CCDC159: variants seen among roughly 807,000 people sequenced by gnomAD.
CCDC159 encodes the protein coiled-coil domain-containing protein 159.
Under a neutral mutation model 50.9 loss-of-function variants are expected in CCDC159, and 40 were observed. The ratio of observed to expected loss-of-function variants is 0.79; its 90% CI spans 0.61 to 1.02. The LOEUF is 1.02. Ranked by LOEUF, CCDC159 falls within the 50% of genes least tolerant of loss-of-function variation. CCDC159 has a pLI of 0.00. For synonymous variants in CCDC159, 146 were observed against 138.9 expected (o/e 1.05, Z -0.36); for missense variants, 356 against 371.5 (o/e 0.96, Z 0.34).
chr19:11,354,587 G>A lies in CCDC159; in HGVS notation c.780G>A (p.Lys260=). The change falls in exon 10 of 11, where the codon AAG becomes AAA. Residue 260 remains lysine (K), a synonymous_variant. Transcript: ENST00000458408. ...CPKASSLRGH[K]GHQCLSPPLP... ...AACCTGTCCCTCCTGCAGGCCACAA[G>A]GGGCACCAGTGCCTGAGCCCTCCAC... 6.3e-7 allele frequency: 1 copy of A among 1,585,174 alleles called. No homozygotes were observed. Among genetic ancestry groups the A allele is most frequent in the Non-Finnish European group, 8.6e-7 (1 of 1,165,084 alleles).
At chr19:11,354,770 C>T (rs1967798855) in intron 10 of CCDC159, 74 bp downstream of exon 10, 1 of 1,610,442 alleles carries the variant, frequency 6.2e-7, no homozygotes, top group South Asian at 1.1e-5. Flanking sequence ...AGTCTAGACC[C>T]TCAGAACAGG....
chr19:11,351,906 C>G lies in CCDC159; in HGVS notation c.423C>G (p.Ser141Arg). The change falls in exon 6 of 11, where the codon AGC (serine) becomes AGG (arginine). Residue 141 changes from serine (S) to arginine (R), a missense_variant and splice_region_variant. Coordinates refer to ENST00000458408, the MANE Select transcript of CCDC159 (RefSeq NM_001080503.3). ...GGTCTAGGCTGCACTGTCCCCTCAG[C>G]AAGAAGTTCCTGTGGGAGGAGCTGG... ...LQLLAQEIRD[S>R]KKFLWEELEL... 1.3e-6 allele frequency: 2 copies of G among 1,592,870 alleles called. No individual in the cohort carries two copies. The highest frequency in any genetic ancestry group is 1.7e-6 in the Non-Finnish European group (2 of 1,170,622).
intron 1 of CCDC159, among the ~76,000 whole-genome samples, chr19:11,346,883 A>T (rs1260845710): frequency 6.6e-6 from 1 of 152,172 alleles, no homozygotes; most frequent in East Asian, 1.9e-4. Flanking sequence ...GTGACATTCC[A>T]GAGCAAACAC....
Position 11,354,641 on chromosome 19 carries a change from T to C in CCDC159, c.834T>C (p.Cys278=), listed in dbSNP as rs776111294. ...CCTCCTGGGACTCTGACTCCGACTGTGACCAGGACCTCTCCCAGCCACCTT... is the reference window on the plus strand; with the variant it reads ...CCTCCTGGGACTCTGACTCCGACTGCGACCAGGACCTCTCCCAGCCACCTT... The part of the protein sequence containing the change: ...PLPSWDSDSD[C]DQDLSQPPFS... The change falls in exon 10 of 11, where the codon TGT becomes TGC. Residue 278 remains cysteine (C), a synonymous_variant. Coordinates refer to ENST00000458408, the MANE Select transcript of CCDC159 (RefSeq NM_001080503.3). 1.2e-6 allele frequency: 2 copies of C among 1,606,390 alleles called. No homozygotes were observed. The highest frequency in any genetic ancestry group is 3.4e-5 in the Admixed American group (2 of 58,724).
chr19:11,350,107 C>G lies in CCDC159; in HGVS notation c.145-11C>G, dbSNP rs936384329. 4 of 1,613,402 alleles carry G rather than the reference C, an allele frequency of 2.5e-6. No homozygotes were observed. The East Asian group carries it at 6.7e-5, about 27-fold the overall frequency. On this transcript the variant is annotated splice_polypyrimidine_tract_variant and intron_variant, in intron 3 of 10. Transcript: ENST00000458408. Reference sequence around the variant, plus strand: ...CTTCCTCCCACCCCAAGGCTGACCTCTTTCCCCCAGGCTTTCGAGTTCCTG... The same window carrying G: ...CTTCCTCCCACCCCAAGGCTGACCTGTTTCCCCCAGGCTTTCGAGTTCCTG...
At chr19:11,354,456 G>A (rs1294591436) in intron 9 of CCDC159, 124 bp from the exon 10 acceptor site, 12 of 906,642 alleles carry the variant, frequency 1.3e-5, no homozygotes, top group Non-Finnish European at 1.8e-5. Flanking sequence ...TGTCACACTG[G>A]ATCACATTCA....
intron 4 of CCDC159, 70 bp downstream of exon 4, chr19:11,350,269 T>G: frequency 2.2e-6 from 3 of 1,378,452 alleles, no homozygotes; most frequent in Non-Finnish European, 3.0e-6. Flanking sequence ...ATCCCAGCAT[T>G]TGGGGAGGCC....
chr19:11,351,407 A>AGCCTGGGCGCCTGGGC (rs895716870), intron 5 of CCDC159: 1 of 186,118 alleles, frequency 5.4e-6, no homozygotes, highest in African/African-American at 2.4e-5. Context: ...ACTGCACTCC[A>AGCCTGGGCGCCTGGGC]GCCTGGGCGC....
At chr19:11,350,771 GGATCAGGGCTCAGT>G (rs757475963) in intron 4 of CCDC159, 23 bp from the exon 5 acceptor site, 1 of 1,504,602 alleles carries the variant, frequency 6.6e-7, no homozygotes, top group South Asian at 1.3e-5. Context: ...GTTCAGGGTG[GGATCAGGGCTCAGT>G]CAAGGTCCCA....
intron 2 of CCDC159, 92 bp downstream of exon 2, chr19:11,349,779 A>G: frequency 3.3e-6 from 4 of 1,222,756 alleles, no homozygotes; most frequent in South Asian, 2.5e-5. Flanking sequence ...TCCCCCTGCC[A>G]TGGTCACCCA....
At chr19:11,353,236 G>A (rs1241091067) in intron 7 of CCDC159, 4 of 341,990 alleles carry the variant, frequency 1.2e-5, no homozygotes, top group Non-Finnish European at 1.6e-5. Context: ...GAGTAGCTGG[G>A]ACAACAGGCG....
At chr19:11,354,164 G>A (rs1370513359) in intron 9 of CCDC159, among the ~76,000 whole-genome samples, 2 of 152,134 alleles carry the variant, frequency 1.3e-5, no homozygotes, top group Non-Finnish European at 2.9e-5. Context: ...GATTACTTGA[G>A]TCTAGGAGTT....
chr19:11,352,160 G>A, intron 7 of CCDC159, 27 bp downstream of exon 7: 2 of 1,607,792 alleles, frequency 1.2e-6, no homozygotes, highest in Non-Finnish European at 1.7e-6. Context: ...GGGACCCTGG[G>A]GAGGAGTGGG....
At chr19:11,348,652 G>A in intron 1 of CCDC159, 1 of 447,358 alleles carries the variant, frequency 2.2e-6, no homozygotes. Flanking sequence ...GAAGCCTTGA[G>A]TTTAGGGCTG....
intron 5 of CCDC159, 157 bp from the exon 6 acceptor site, chr19:11,351,749 G>C: frequency 3.3e-6 from 2 of 606,264 alleles, no homozygotes; most frequent in Non-Finnish European, 5.8e-6. Flanking sequence ...GGAGAGGAGG[G>C]GGATGAGGGT....
chr19:11,353,147 C>G (rs1311702485), intron 7 of CCDC159, among the ~76,000 whole-genome samples: 1 of 152,000 alleles, frequency 6.6e-6, no homozygotes, highest in Non-Finnish European at 1.5e-5. Context: ...GTTGCCCAGG[C>G]TGGAGTGCAA....
At chr19:11,349,212 A>T (rs1326492128) in intron 1 of CCDC159, 1 of 1,302,952 alleles carries the variant, frequency 7.7e-7, no homozygotes. Context: ...CCCACCCGGG[A>T]AACCCCTTCA....
chr19:11,352,042 C>T lies in CCDC159; in HGVS notation c.491-15C>T, dbSNP rs1228632394. On this transcript the variant is annotated splice_polypyrimidine_tract_variant and intron_variant, in intron 6 of 10. Transcript: ENST00000458408. The stretch of plus-strand genomic sequence containing the variant: ...TTCTTCAGCCTTTGTCCGCCTGAGC[C>T]CCCTCCCTCCACAGAAGCGCAGGAG... 3 of 1,613,494 alleles carry T rather than the reference C, an allele frequency of 1.9e-6. No individual in the cohort carries two copies. Among genetic ancestry groups the T allele is most frequent in the Admixed American group, 3.3e-5 (2 of 59,984 alleles).
In CCDC159 at chr19:11,351,952, A is replaced by C; in HGVS notation, c.469A>C (p.Thr157Pro). The change falls in exon 6 of 11, where the codon ACC becomes CCC. Residue 157 changes from threonine to proline, a missense_variant. Thr to Pro is a conservative substitution (Grantham distance 38). Coordinates refer to ENST00000458408, the MANE Select transcript of CCDC159 (RefSeq NM_001080503.3). ...EELELVREEV[T>P]FIYQKLQAQE... Reference sequence around the variant, plus strand: ...GCTGGAACTGGTGCGGGAGGAGGTGACCTTCATCTATCAGAAGCTCCGTGA... The same window carrying C: ...GCTGGAACTGGTGCGGGAGGAGGTGCCCTTCATCTATCAGAAGCTCCGTGA... 6.2e-7 allele frequency: 1 copy of C among 1,606,388 alleles called. No homozygotes were observed.
Sources: gnomAD v4.1 joint callset for allele counts (sites outside exome capture counted in the v4.1 genomes callset) on GRCh38, gnomAD v4.1.1 for gene constraint, MANE v1.5 for transcripts, NCBI Gene and HGNC (gene_info 2026-07-23, HGNC 2026-07-21) for gene names.